Variants in RAP1B observed in about 807,000 individuals in gnomAD.
RAP1B encodes the protein RAP1B, member of RAS oncogene family.
Under a neutral mutation model 27.5 loss-of-function variants are expected in RAP1B, and 1 was observed. The observed-to-expected ratio is 0.04, with a 90% CI of 0.01 to 0.17. The LOEUF (loss-of-function observed/expected upper bound fraction) is 0.17, where lower values mean the gene tolerates loss of function less well. Among genes scored for constraint, RAP1B ranks in the 10% least tolerant of loss-of-function variants. The pLI is 1.00. For synonymous variants in RAP1B, 75 were observed against 73.1 expected (o/e 1.03, Z -0.13); for missense variants, 84 against 214.8 (o/e 0.39, Z 3.81).
rs1204012649 is a variant in RAP1B at position 68,668,629 on chromosome 12, C to T, written c.*9380C>T. ...CGTTAACAATCTGAAATCATCCCTG[C>T]ACAGACTTTCTTGGCTCTTCTTTTC... is the stretch of plus-strand genomic sequence containing the variant. On this transcript the variant is annotated 3_prime_UTR_variant, in exon 8 of 8. Coordinates refer to ENST00000250559, the MANE Select transcript of RAP1B (RefSeq NM_001010942.3). 1 of 152,176 alleles carries T rather than the reference C, an allele frequency of 6.6e-6. No homozygotes were observed. Among genetic ancestry groups the T allele is most frequent in the Non-Finnish European group, 1.5e-5 (1 of 68,038 alleles). The allele number at this position is 152,176 out of a possible 1,614,324, so 9.4% of individuals were successfully genotyped here.
chr12:68,645,392 T>G (rs1565669421), intron 1 of RAP1B, among the ~76,000 whole-genome samples: 1 of 152,254 alleles, frequency 6.6e-6, no homozygotes, highest in Non-Finnish European at 1.5e-5. Flanking sequence ...TCTCAATGTC[T>G]CAAATAGTAG....
At chr12:68,656,263 C>A (rs932861662) in intron 5 of RAP1B, 43 bp from the exon 6 acceptor site, 3 of 1,518,462 alleles carry the variant, frequency 2.0e-6, no homozygotes, top group South Asian at 1.1e-5. Flanking sequence ...ATTCATATAG[C>A]ATATTTACTT....
rs1168202543 is a variant in RAP1B, at chr12:68,663,630, A to G, written c.*4381A>G. On this transcript the variant is annotated 3_prime_UTR_variant, in exon 8 of 8. Transcript: ENST00000250559. ...TGCCATTTTTTAAAAAAAGTATTCC[A>G]TGTTACACACATTTTAAACTTGCTT... 2.6e-5 allele frequency: 4 copies of G among 152,204 alleles called. No individual in the cohort carries two copies. Among genetic ancestry groups the G allele is most frequent in the Non-Finnish European group, 5.9e-5 (4 of 68,016 alleles). The allele number at this position is 152,204 out of a possible 1,614,324, so 9.4% of individuals were successfully genotyped here. A position where few individuals can be genotyped will look rare whatever the true frequency, so the allele number is the denominator to read the frequency against.
intron 1 of RAP1B, among the ~76,000 whole-genome samples, chr12:68,626,232 C>T (rs1296518405): frequency 1.3e-5 from 2 of 152,294 alleles, no homozygotes; most frequent in East Asian, 3.9e-4. Context: ...AATGGGTATG[C>T]TTTGTTCTGG....
chr12:68,645,993 A>G (rs1873377005), intron 1 of RAP1B, among the ~76,000 whole-genome samples: 1 of 152,212 alleles, frequency 6.6e-6, no homozygotes, highest in African/African-American at 2.4e-5. Flanking sequence ...TGATAGATAC[A>G]ATAATATGGA....
intron 1 of RAP1B, among the ~76,000 whole-genome samples, chr12:68,641,914 C>G (rs1873036836): frequency 1.3e-5 from 2 of 152,030 alleles, no homozygotes; most frequent in South Asian, 4.1e-4. Flanking sequence ...GTTGGAGAGG[C>G]AGTGTGAATC....
chr12:68,617,978 G>T (rs911080985), intron 1 of RAP1B, among the ~76,000 whole-genome samples: 2 of 151,488 alleles, frequency 1.3e-5, no homozygotes, highest in Non-Finnish European at 2.9e-5. Flanking sequence ...TGCCCATGCT[G>T]GTCTGAACTC....
rs1257392358 is a variant in RAP1B at position 68,664,884 on chromosome 12, A to G, written c.*5635A>G. 1 of 152,250 alleles carries G rather than the reference A, an allele frequency of 6.6e-6. No homozygotes were observed. Among genetic ancestry groups the G allele is most frequent in the East Asian group, 1.9e-4 (1 of 5,200 alleles). The allele number at this position is 152,250 out of a possible 1,614,324, so 9.4% of individuals were successfully genotyped here. ...ATAATAAAAATTGTTATTTTGTAAA[A>G]TATATGGACTGTTTGCTTTATATTC... On this transcript the variant is annotated 3_prime_UTR_variant, in exon 8 of 8. Coordinates refer to ENST00000250559, the MANE Select transcript of RAP1B (RefSeq NM_001010942.3).
chr12:68,644,264 G>A (rs1873233054), intron 1 of RAP1B, among the ~76,000 whole-genome samples: 1 of 152,118 alleles, frequency 6.6e-6, no homozygotes, highest in Admixed American at 6.6e-5. Flanking sequence ...GACATGGAGG[G>A]TTCTTACATG....
rs1358491068 is a variant in RAP1B at position 68,664,061 on chromosome 12, T to C, written c.*4812T>C. On this transcript the variant is annotated 3_prime_UTR_variant, in exon 8 of 8. Coordinates refer to ENST00000250559, the MANE Select transcript of RAP1B (RefSeq NM_001010942.3). ...CTATGTTGTTTTACTATGAACCTAGTTTAACCTGACTTTCCTTACAGACCC... is the reference window on the plus strand; with the variant it reads ...CTATGTTGTTTTACTATGAACCTAGCTTAACCTGACTTTCCTTACAGACCC... 6.6e-6 allele frequency: 1 copy of C among 152,220 alleles called. No homozygotes were observed. The highest frequency in any genetic ancestry group is 2.4e-5 in the African/African-American group (1 of 41,462). The allele number at this position is 152,220 out of a possible 1,614,324, so 9.4% of individuals were successfully genotyped here.
chr12:68,659,407 G>A lies in RAP1B; in HGVS notation c.*158G>A, dbSNP rs1874472668. The A allele has an allele frequency of 2.5e-6, 1 of 402,600 alleles. No individual in the cohort carries two copies. Among genetic ancestry groups the A allele is most frequent in the Non-Finnish European group, 4.9e-6 (1 of 205,352 alleles). 24.9% of individuals were successfully genotyped at this position (402,600 alleles called of 1,614,324 possible). On this transcript the variant is annotated 3_prime_UTR_variant, in exon 8 of 8. Transcript: ENST00000250559. ...CGGATGAAAGCTACTATATCAGTTT[G>A]CACATTCTAATCACTTTCCAGTATC...
chr12:68,631,001 C>T (rs147058645), intron 1 of RAP1B, among the ~76,000 whole-genome samples: 42 of 152,108 alleles, frequency 2.8e-4, no homozygotes, highest in African/African-American at 8.7e-4. Context: ...CTGCCCCATA[C>T]ATCTGCTTTA....
At chr12:68,619,317 G>T (rs1184837516) in intron 1 of RAP1B, among the ~76,000 whole-genome samples, 1 of 152,158 alleles carries the variant, frequency 6.6e-6, no homozygotes, top group Non-Finnish European at 1.5e-5. Flanking sequence ...CGATGATAAA[G>T]TTCCTAGATT....
intron 1 of RAP1B, among the ~76,000 whole-genome samples, chr12:68,636,044 A>ATT (rs751155194): frequency 2.1e-5 from 3 of 141,692 alleles, no homozygotes; most frequent in Admixed American, 7.1e-5. Flanking sequence ...ACATTCGAGT[A>ATT]TTTTTTTTTT....
chr12:68,612,659 TAGG>T (rs1204384292), intron 1 of RAP1B, among the ~76,000 whole-genome samples: 7 of 152,154 alleles, frequency 4.6e-5, no homozygotes, highest in Non-Finnish European at 2.9e-5. Flanking sequence ...CTTAGTCAAA[TAGG>T]AGAAAAAACC....
intron 1 of RAP1B, among the ~76,000 whole-genome samples, chr12:68,644,960 A>C (rs1367564929): frequency 6.6e-6 from 1 of 151,966 alleles, no homozygotes; most frequent in Non-Finnish European, 1.5e-5. Context: ...CGGCCTCCCA[A>C]AGTGCTGGGA....
chr12:68,638,950 C>T (rs1872811427), intron 1 of RAP1B, among the ~76,000 whole-genome samples: 1 of 152,078 alleles, frequency 6.6e-6, no homozygotes, highest in Non-Finnish European at 1.5e-5. Context: ...CATGAGTCAC[C>T]ACGCCCAACC....
chr12:68,668,051 T>G lies in RAP1B; in HGVS notation c.*8802T>G, dbSNP rs992799287. ...GGCATCCACTACCCCTCCCCCATCC[T>G]TCCACTCTGAACCAGTACAGGATAT... On this transcript the variant is annotated 3_prime_UTR_variant, in exon 8 of 8. Coordinates refer to ENST00000250559, the MANE Select transcript of RAP1B (RefSeq NM_001010942.3). 6.6e-5 allele frequency: 10 copies of G among 152,222 alleles called. No homozygotes were observed. Among genetic ancestry groups the G allele is most frequent in the African/African-American group, 2.2e-4 (9 of 41,446 alleles). 9.4% of individuals were successfully genotyped at this position (152,222 alleles called of 1,614,324 possible). A position where few individuals can be genotyped will look rare whatever the true frequency, so the allele number is the denominator to read the frequency against.
At chr12:68,631,705 C>CT (rs543114962) in intron 1 of RAP1B, among the ~76,000 whole-genome samples, 64 of 149,928 alleles carry the variant, frequency 4.3e-4, no homozygotes, top group South Asian at 8.4e-4. Context: ...AATATTGTAA[C>CT]TTTTTTTTTT....
Sources: allele counts gnomAD v4.1 joint callset (sites outside exome capture counted in the v4.1 genomes callset), GRCh38; gene constraint gnomAD v4.1.1; transcripts MANE v1.5; gene names NCBI Gene and HGNC (gene_info 2026-07-23, HGNC 2026-07-21).